Variants in INPP4B observed in about 807,000 individuals in gnomAD.
INPP4B encodes inositol polyphosphate-4-phosphatase type II B, also known as inositol polyphosphate 4-phosphatase type II.
A neutral mutation model predicts 122.5 loss-of-function variants in INPP4B; 55 were observed. The observed-to-expected ratio is 0.45, with a 90% CI of 0.36 to 0.56. The LOEUF (loss-of-function observed/expected upper bound fraction) is 0.56, where lower values mean the gene tolerates loss of function less well. INPP4B is among the 20% of genes least tolerant of loss of function. The pLI is 0.00. For synonymous variants in INPP4B, 403 were observed against 388.7 expected (o/e 1.04, Z -0.43); for missense variants, 1,000 against 1,097.7 (o/e 0.91, Z 1.26).
chr4:142,518,398 T>C (rs1580265479), intron 2 of INPP4B, among the ~76,000 whole-genome samples: 1 of 151,986 alleles, frequency 6.6e-6, no homozygotes, highest in East Asian at 1.9e-4. Context: ...CAGAAATCAG[T>C]CAAATTATTT....
chr4:142,141,693 T>C (rs957843957), intron 18 of INPP4B, among the ~76,000 whole-genome samples: 2 of 152,006 alleles, frequency 1.3e-5, no homozygotes, highest in African/African-American at 2.4e-5. Context: ...AAACTACAGA[T>C]TTAAAATATT....
At chr4:142,148,192 T>A (rs1811822754) in intron 17 of INPP4B, among the ~76,000 whole-genome samples, 1 of 152,058 alleles carries the variant, frequency 6.6e-6, no homozygotes, top group African/African-American at 2.4e-5. Context: ...GTTCATAAGT[T>A]GTTAACTCTC....
intron 25 of INPP4B, among the ~76,000 whole-genome samples, chr4:142,053,212 G>A (rs1344906409): frequency 2.6e-5 from 4 of 152,030 alleles, no homozygotes; most frequent in Non-Finnish European, 5.9e-5. Context: ...GACAAAAATT[G>A]TGGAGAAGGG....
At chr4:142,539,837 C>T (rs1036727118) in intron 2 of INPP4B, among the ~76,000 whole-genome samples, 5 of 151,748 alleles carry the variant, frequency 3.3e-5, no homozygotes, top group East Asian at 1.9e-4. Context: ...AATGAATTAG[C>T]GTACTTTAGA....
chr4:142,391,718 G>T (rs543924031), intron 7 of INPP4B, among the ~76,000 whole-genome samples: 1 of 152,142 alleles, frequency 6.6e-6, no homozygotes, highest in Non-Finnish European at 1.5e-5. Flanking sequence ...TCATAGAAAA[G>T]ATAAAAGAGT....
In INPP4B at chr4:142,025,592, G is replaced by T. The variant is rs1408524736; in HGVS notation, c.*3190C>A. ...GGGAGAGGTTTGATTTGCTTGGGAAGAAAGGCATTACTTTATACACATCAG... is the reference window on the plus strand; with the variant it reads ...GGGAGAGGTTTGATTTGCTTGGGAATAAAGGCATTACTTTATACACATCAG... On this transcript the variant is annotated 3_prime_UTR_variant, in exon 26 of 26. Transcript: ENST00000262992. 1 of 152,144 alleles carries T rather than the reference G, an allele frequency of 6.6e-6. No individual in the cohort carries two copies. The highest frequency in any genetic ancestry group is 1.5e-5 in the Non-Finnish European group (1 of 68,030). 9.4% of individuals were successfully genotyped at this position (152,144 alleles called of 1,614,324 possible).
At chr4:142,774,940 A>G (rs959474156) in intron 1 of INPP4B, among the ~76,000 whole-genome samples, 1 of 151,944 alleles carries the variant, frequency 6.6e-6, no homozygotes, top group Non-Finnish European at 1.5e-5. Context: ...TCATCTAGCT[A>G]TTTCATTAGG....
At chr4:142,508,830 A>G (rs1236729014) in intron 2 of INPP4B, among the ~76,000 whole-genome samples, 1 of 152,174 alleles carries the variant, frequency 6.6e-6, no homozygotes, top group African/African-American at 2.4e-5. Context: ...TTTGGCACCT[A>G]GTGGGTAAAG....
chr4:142,291,868 T>C (rs1001192845), intron 9 of INPP4B, among the ~76,000 whole-genome samples: 1 of 152,246 alleles, frequency 6.6e-6, no homozygotes, highest in African/African-American at 2.4e-5. Flanking sequence ...ATGACTAGCA[T>C]TTTTGGACTC....
intron 2 of INPP4B, among the ~76,000 whole-genome samples, chr4:142,525,246 A>G (rs1342601996): frequency 6.6e-6 from 1 of 152,056 alleles, no homozygotes; most frequent in Non-Finnish European, 1.5e-5. Context: ...AGAGGATAGA[A>G]AGAAATGGAA....
chr4:142,274,303 T>G (rs911900480), intron 9 of INPP4B, among the ~76,000 whole-genome samples: 1 of 151,850 alleles, frequency 6.6e-6, no homozygotes, highest in African/African-American at 2.4e-5. Context: ...ACTAAGTGCA[T>G]ATCACTTCAG....
At chr4:142,830,403 A>G (rs946338718) in intron 1 of INPP4B, among the ~76,000 whole-genome samples, 3 of 152,136 alleles carry the variant, frequency 2.0e-5, no homozygotes, top group Non-Finnish European at 4.4e-5. Context: ...GTGGAGGTAG[A>G]GTCCAGACTA....
chr4:142,075,115 G>T (rs1769875662), intron 25 of INPP4B, among the ~76,000 whole-genome samples: 1 of 151,984 alleles, frequency 6.6e-6, no homozygotes, highest in Non-Finnish European at 1.5e-5. Flanking sequence ...AGTCCTCATT[G>T]ACTATTAGTG....
At chr4:142,426,608 G>A (rs973806314) in intron 5 of INPP4B, 1 of 151,950 alleles carries the variant, frequency 6.6e-6, no homozygotes, top group Non-Finnish European at 1.5e-5. Flanking sequence ...CCAATTAGCT[G>A]CTCAATTGAC....
chr4:142,694,815 C>T (rs1760796753), intron 2 of INPP4B, among the ~76,000 whole-genome samples: 1 of 152,132 alleles, frequency 6.6e-6, no homozygotes, highest in South Asian at 2.1e-4. Context: ...TTTCCCTTAA[C>T]ATTTTTGAAA....
At chr4:142,248,336 C>CTTTT (rs34309443) in intron 11 of INPP4B, among the ~76,000 whole-genome samples, 10 of 106,380 alleles carry the variant, frequency 9.4e-5, no homozygotes, top group South Asian at 3.3e-4. Context: ...CTCTCTCTCT[C>CTTTT]TTTTTTTTTT....
chr4:142,845,945 G>A (rs1027937803), intron 1 of INPP4B, among the ~76,000 whole-genome samples: 1 of 151,876 alleles, frequency 6.6e-6, no homozygotes, highest in Non-Finnish European at 1.5e-5. Context: ...GCAGAGGGGC[G>A]CTCGGCGAGA....
chr4:142,632,372 T>C (rs988402078), intron 2 of INPP4B, among the ~76,000 whole-genome samples: 14 of 152,054 alleles, frequency 9.2e-5, no homozygotes, highest in African/African-American at 3.1e-4. Flanking sequence ...CACTCATATG[T>C]AGGAGTTAAG....
At chr4:142,459,910 GA>G (rs994491442) in intron 3 of INPP4B, among the ~76,000 whole-genome samples, 1 of 152,034 alleles carries the variant, frequency 6.6e-6, no homozygotes, top group African/African-American at 2.4e-5. Context: ...ACATCTACAA[GA>G]AAAAAATACT....
Sources: gnomAD v4.1 joint callset for allele counts (sites outside exome capture counted in the v4.1 genomes callset) on GRCh38, gnomAD v4.1.1 for gene constraint, MANE v1.5 for transcripts, NCBI Gene and HGNC (gene_info 2026-07-23, HGNC 2026-07-21) for gene names.